Variants in DLEC1 observed in about 807,000 individuals in gnomAD.
The protein encoded by DLEC1 is deleted in lung and esophageal cancer protein 1.
Under a neutral mutation model 198.1 loss-of-function variants are expected in DLEC1, and 146 were observed. The observed-to-expected ratio is 0.74, with a 90% CI of 0.64 to 0.85. DLEC1 has a LOEUF of 0.85. DLEC1 is among the 40% of genes least tolerant of loss of function. The pLI is 0.00. For missense variants in DLEC1, 2,233 were observed against 2,220.0 expected (o/e 1.01, Z -0.12); for synonymous variants, 897 against 866.8 (o/e 1.03, Z -0.61).
Position 38,039,210 on chromosome 3 carries a change from C to T in DLEC1, c.-16C>T, listed in dbSNP as rs199688020. ...AAGCCGAAGTGCCGCAGGGAGTTAG[C>T]GGCGTCTCGGTTGCCATGGAGACCA... On this transcript the variant is annotated 5_prime_UTR_variant, in exon 1 of 37. Coordinates refer to ENST00000308059, the MANE Select transcript of DLEC1 (RefSeq NM_007335.4). The T allele has an allele frequency of 1.4e-5, 22 of 1,581,866 alleles. No individual in the cohort carries two copies. Among genetic ancestry groups the T allele is most frequent in the Non-Finnish European group, 1.9e-5 (22 of 1,162,364 alleles).
intron 7 of DLEC1, among the ~76,000 whole-genome samples, chr3:38,084,621 T>TGGTGGTGGTAGTGGTGGTGGTA (rs1553617798): frequency 5.5e-5 from 7 of 126,490 alleles, no homozygotes; most frequent in East Asian, 4.4e-4. Flanking sequence ...GTAGCAGTAC[T>TGGTGGTGGTAGTGGTGGTGGTA]GCTACTACTT....
chr3:38,117,256 G>A lies in DLEC1; in HGVS notation c.4354G>A (p.Val1452Met). ...GAGGCATCGCCTGCAGGACTTTGCG[G>A]TGGGACCCCTGAAACTGGACCTGCA... is the stretch of plus-strand genomic sequence containing the variant. ...GKRHRLQDFAVGPLKLDLHSY... is the reference protein window; with the variant it reads ...GKRHRLQDFAMGPLKLDLHSY... The change falls in exon 31 of 37, where the codon GTG becomes ATG. Residue 1452 changes from valine to methionine, a missense_variant. Coordinates refer to ENST00000308059, the MANE Select transcript of DLEC1 (RefSeq NM_007335.4). The A allele has an allele frequency of 6.2e-7, 1 of 1,614,166 alleles. No homozygotes were observed. Among genetic ancestry groups the A allele is most frequent in the Non-Finnish European group, 8.5e-7 (1 of 1,180,008 alleles).
intron 6 of DLEC1, among the ~76,000 whole-genome samples, chr3:38,079,717 G>T (rs994491531): frequency 6.6e-6 from 1 of 152,198 alleles, no homozygotes; most frequent in African/African-American, 2.4e-5. Context: ...TTGGCCTGGT[G>T]GTCAGATTTC....
chr3:38,081,596 G>C (rs1467719002), intron 6 of DLEC1, among the ~76,000 whole-genome samples: 5 of 105,560 alleles, frequency 4.7e-5, no homozygotes, highest in East Asian at 3.9e-4. Context: ...TCCCGGACGG[G>C]GCGGCTGGCC....
chr3:38,085,245 T>A (rs1698388177), intron 7 of DLEC1, 29 bp from the exon 8 acceptor site: 1 of 1,613,730 alleles, frequency 6.2e-7, no homozygotes. Flanking sequence ...GCTCCCAGGA[T>A]CCTCACTTGT....
chr3:38,097,851 C>G lies in DLEC1; in HGVS notation c.2673C>G (p.Ala891=), dbSNP rs750935092. 4 of 1,614,244 alleles carry G rather than the reference C, an allele frequency of 2.5e-6. No individual in the cohort carries two copies. Among genetic ancestry groups the G allele is most frequent in the Non-Finnish European group, 2.5e-6 (3 of 1,180,042 alleles). The stretch of plus-strand genomic sequence containing the variant: ...TCCGGAACGTCAGCCAGCTCCCAGC[C>G]ACATGGCGCATGAAGGAGAGCCCAG... ...IQIRNVSQLP[A]TWRMKESPVS... is the part of the protein sequence containing the mutation. The change falls in exon 18 of 37, where the codon GCC becomes GCG. Residue 891 remains alanine, a synonymous_variant. Coordinates refer to ENST00000308059, the MANE Select transcript of DLEC1 (RefSeq NM_007335.4).
chr3:38,084,043 A>T, intron 6 of DLEC1, 115 bp from the exon 7 acceptor site: 1 of 963,804 alleles, frequency 1.0e-6, no homozygotes, highest in South Asian at 1.4e-5. Context: ...ACATGTGGCC[A>T]AGCCTATTTC....
Position 38,116,890 on chromosome 3 carries a change from G to C in DLEC1, c.4179+1G>C. Reference sequence around the variant, plus strand: ...GTACTGTATCAGCCCCAAGCAGGTGGTGAGTTGGGGTATGGGCTGGGAGCT... The same window carrying C: ...GTACTGTATCAGCCCCAAGCAGGTGCTGAGTTGGGGTATGGGCTGGGAGCT... On this transcript the variant is annotated splice_donor_variant, in intron 29 of 36. Coordinates refer to ENST00000308059, the MANE Select transcript of DLEC1 (RefSeq NM_007335.4). LOFTEE classifies it high-confidence loss of function. 2 of 1,612,968 alleles carry C rather than the reference G, an allele frequency of 1.2e-6. No individual in the cohort carries two copies. The highest frequency in any genetic ancestry group is 8.5e-7 in the Non-Finnish European group (1 of 1,179,428).
Position 38,078,291 on chromosome 3 carries a change from G to T in DLEC1, c.1174-5867G>T, listed in dbSNP as rs889108403. Among the ~76,000 whole-genome samples, 7 of 152,324 alleles carry T rather than the reference G, an allele frequency of 4.6e-5. No homozygotes were observed. In the East Asian group the frequency reaches 1.2e-3, roughly 25 times the overall value. On this transcript the variant is annotated intron_variant, in intron 6 of 36. Transcript: ENST00000308059. Reference sequence around the variant, plus strand: ...ATAGATTTTGGAAGTTATGAGAAATGTAGAGAGTGAGTTGAGCATAATTTG... The same window carrying T: ...ATAGATTTTGGAAGTTATGAGAAATTTAGAGAGTGAGTTGAGCATAATTTG...
intron 5 of DLEC1, among the ~76,000 whole-genome samples, chr3:38,063,591 G>A (rs1696815783): frequency 6.6e-6 from 1 of 152,174 alleles, no homozygotes; most frequent in Non-Finnish European, 1.5e-5. Flanking sequence ...TAAACATGTA[G>A]AGTTTTTCCT....
chr3:38,115,767 C>T (rs575203160), intron 27 of DLEC1, among the ~76,000 whole-genome samples: 3 of 152,010 alleles, frequency 2.0e-5, no homozygotes, highest in East Asian at 1.9e-4. Context: ...GTGGGGCTAC[C>T]GGCTGGGTGT....
chr3:38,100,342 C>T lies in DLEC1; in HGVS notation c.2781C>T (p.Cys927=). ...GCCAGCTTCACTCTCTGGGGGAGTG[C>T]AGGGTGGACATCACCTTGGAGGCCC... The part of the protein sequence containing the change: ...SSGQLHSLGE[C]RVDITLEALH... The change falls in exon 19 of 37, where the codon TGC becomes TGT. Residue 927 remains cysteine, a synonymous_variant. Coordinates refer to ENST00000308059, the MANE Select transcript of DLEC1 (RefSeq NM_007335.4). 6.2e-7 allele frequency: 1 copy of T among 1,613,938 alleles called. No individual in the cohort carries two copies. Among genetic ancestry groups the T allele is most frequent in the Non-Finnish European group, 8.5e-7 (1 of 1,179,954 alleles).
rs974004649 is a variant in DLEC1 at position 38,046,399 on chromosome 3, T to C, written c.562+706T>C. The stretch of plus-strand genomic sequence containing the variant: ...GGTTTTTCCCTTGCTATTCTCATGA[T>C]AGTGAGTAAGTCTGATGAGATCTGA... On this transcript the variant is annotated intron_variant, in intron 2 of 36. Transcript: ENST00000308059. Among the ~76,000 whole-genome samples the C allele has an allele frequency of 3.3e-5, 5 of 152,156 alleles. No individual in the cohort carries two copies. The East Asian group carries it at 5.8e-4, about 18-fold the overall frequency.
At chr3:38,072,752 T>G (rs1012566035) in intron 6 of DLEC1, among the ~76,000 whole-genome samples, 1 of 152,100 alleles carries the variant, frequency 6.6e-6, no homozygotes, top group Admixed American at 6.5e-5. Context: ...GAGAGATTAG[T>G]CGGGCACGAT....
chr3:38,056,103 A>ATT (rs1696353859), intron 2 of DLEC1, among the ~76,000 whole-genome samples: 3 of 141,048 alleles, frequency 2.1e-5, no homozygotes, highest in Non-Finnish European at 4.6e-5. Flanking sequence ...ACACACACAC[A>ATT]CACACACACA....
intron 6 of DLEC1, among the ~76,000 whole-genome samples, chr3:38,078,332 C>A (rs1697752415): frequency 6.6e-6 from 1 of 152,140 alleles, no homozygotes; most frequent in Non-Finnish European, 1.5e-5. Flanking sequence ...TTTAGGGCTT[C>A]TAAAAGTATT....
rs1205949240 is a variant in DLEC1 at position 38,086,231 on chromosome 3, G to A, written c.1436-10G>A. 2 of 1,603,056 alleles carry A rather than the reference G, an allele frequency of 1.2e-6. No homozygotes were observed. The highest frequency in any genetic ancestry group is 2.7e-5 in the African/African-American group (2 of 74,472). On this transcript the variant is annotated splice_polypyrimidine_tract_variant and intron_variant, in intron 8 of 36. Coordinates refer to ENST00000308059, the MANE Select transcript of DLEC1 (RefSeq NM_007335.4). ...TTGTTTCTCTTGCACATGTTCTCCT[G>A]TGGCTACAGTGTCACCGGTGTTGGA...
At position 38,050,133 on chromosome 3, in the gene DLEC1, A is replaced by G. The variant is rs143328425; in HGVS notation, c.562+4440A>G. ...ACCCAGGCTGGAGTGCAGTGGTGCA[A>G]TCTTAGCTCACTGCAACCCCTGACT... is the stretch of plus-strand genomic sequence containing the variant. On this transcript the variant is annotated intron_variant, in intron 2 of 36. Coordinates refer to ENST00000308059, the MANE Select transcript of DLEC1 (RefSeq NM_007335.4). Among the ~76,000 whole-genome samples, 473 of 151,932 alleles carry G rather than the reference A, an allele frequency of 3.1e-3. 1 individual carries two copies. Among genetic ancestry groups the G allele is most frequent in the African/African-American group, 8.0e-3 (333 of 41,422 alleles).
At chr3:38,104,543 A>G (rs547974761) in intron 19 of DLEC1, among the ~76,000 whole-genome samples, 1 of 151,374 alleles carries the variant, frequency 6.6e-6, no homozygotes, top group South Asian at 2.1e-4. Flanking sequence ...GAATTTGTCC[A>G]TTTTATCTGT....
Sources: allele counts gnomAD v4.1 joint callset (sites outside exome capture counted in the v4.1 genomes callset), GRCh38; gene constraint gnomAD v4.1.1; transcripts MANE v1.5; gene names NCBI Gene and HGNC (gene_info 2026-07-23, HGNC 2026-07-21).